Variants in TSNARE1 observed in about 807,000 individuals in gnomAD.
TSNARE1 encodes t-SNARE domain-containing protein 1.
In TSNARE1, 49 loss-of-function variants were observed where a neutral mutation model predicts 62.0. That is an observed-to-expected ratio of 0.79 (90% CI 0.63 to 1.00). TSNARE1 has a LOEUF of 1.00. Ranked by LOEUF, TSNARE1 falls within the 50% of genes least tolerant of loss-of-function variation. TSNARE1 has a pLI of 0.00. For synonymous variants in TSNARE1, 328 were observed against 294.4 expected, an observed-to-expected ratio of 1.11 and a Z score of -1.17; for missense variants, 755 against 700.1, an observed-to-expected ratio of 1.08 and a Z score of -0.88.
At chr8:142,280,592 C>T (rs1353762794) in intron 11 of TSNARE1, among the ~76,000 whole-genome samples, 1 of 152,194 alleles carries the variant, frequency 6.6e-6, no homozygotes, top group Non-Finnish European at 1.5e-5. Context: ...TGTCCCCCTC[C>T]CCACGACTGC....
At chr8:142,218,040 G>A (rs68121465) in intron 13 of TSNARE1, among the ~76,000 whole-genome samples, 76,435 of 101,426 alleles carry the variant, frequency 0.75, 33,268 homozygotes, top group Admixed American at 0.78. Flanking sequence ...CCCAGTATGT[G>A]ACCAGGATCA....
chr8:142,395,000 A>T (rs1487579916), intron 1 of TSNARE1, among the ~76,000 whole-genome samples: 1 of 152,074 alleles, frequency 6.6e-6, no homozygotes, highest in Non-Finnish European at 1.5e-5. Context: ...GTCACCTTGG[A>T]GGCTGCTCTG....
intron 12 of TSNARE1, among the ~76,000 whole-genome samples, chr8:142,242,252 C>G (rs917276950): frequency 6.6e-6 from 1 of 152,276 alleles, no homozygotes; most frequent in Non-Finnish European, 1.5e-5. Flanking sequence ...ATGCCGTATA[C>G]AACAATCAAC....
chr8:142,376,165 A>G (rs1033103939), intron 1 of TSNARE1, among the ~76,000 whole-genome samples: 1 of 152,230 alleles, frequency 6.6e-6, no homozygotes, highest in Non-Finnish European at 1.5e-5. Context: ...TCCAAAGTGC[A>G]GGAGCAATTT....
chr8:142,306,188 G>T (rs1296854618), intron 9 of TSNARE1, among the ~76,000 whole-genome samples: 1 of 152,220 alleles, frequency 6.6e-6, no homozygotes, highest in Non-Finnish European at 1.5e-5. Context: ...GGACACGGCT[G>T]TGGCAATGCT....
chr8:142,294,152 A>G (rs1041722824), intron 10 of TSNARE1, among the ~76,000 whole-genome samples: 1 of 152,034 alleles, frequency 6.6e-6, no homozygotes, highest in Non-Finnish European at 1.5e-5. Context: ...GAGGATGCAG[A>G]GTGGCCAGAG....
chr8:142,402,823 G>T (rs920666173), intron 1 of TSNARE1: 5 of 152,134 alleles, frequency 3.3e-5, no homozygotes, highest in Non-Finnish European at 7.4e-5. Flanking sequence ...GACCCGCCGA[G>T]GGGCTCATGT....
At chr8:142,318,958 C>T (rs1396274078) in intron 6 of TSNARE1, among the ~76,000 whole-genome samples, 1 of 147,962 alleles carries the variant, frequency 6.8e-6, no homozygotes, top group Non-Finnish European at 1.5e-5. Context: ...CAGGCAGACA[C>T]CCAGCAAGAG....
At chr8:142,314,533 G>C in intron 8 of TSNARE1, 93 bp from the exon 9 acceptor site, 7 of 1,119,724 alleles carry the variant, frequency 6.3e-6, no homozygotes, top group Non-Finnish European at 9.1e-6. Context: ...GGCTCTGGAC[G>C]ACGGTGCAGC....
Position 142,277,914 on chromosome 8 carries a change from A to G in TSNARE1, c.1364-3051T>C. On this transcript the variant is annotated intron_variant, in intron 11 of 13. Transcript: ENST00000524325. ...CACCCCTGCCAGGCCCCTCCTTCTCAGCCCCACACCACATGTCTATCCTTG... is the reference window on the plus strand; with the variant it reads ...CACCCCTGCCAGGCCCCTCCTTCTCGGCCCCACACCACATGTCTATCCTTG... The G allele has an allele frequency of 3.0e-6, 3 of 985,254 alleles. No homozygotes were observed. The South Asian group carries it at 1.4e-4, about 46-fold the overall frequency. 61.0% of individuals were successfully genotyped at this position (985,254 alleles called of 1,614,324 possible).
intron 10 of TSNARE1, among the ~76,000 whole-genome samples, chr8:142,287,850 G>A (rs530453054): frequency 1.5e-5 from 2 of 137,488 alleles, no homozygotes; most frequent in East Asian, 2.3e-4. Context: ...ACAGTGGGCC[G>A]CCCTCCAGGT....
At chr8:142,229,686 C>A in intron 12 of TSNARE1, 107 bp from the exon 13 acceptor site, 1 of 915,732 alleles carries the variant, frequency 1.1e-6, no homozygotes, top group South Asian at 1.4e-5. Flanking sequence ...GGGGCTGAGT[C>A]CACCCTGGGG....
intron 6 of TSNARE1, among the ~76,000 whole-genome samples, chr8:142,324,558 A>G (rs373208517): frequency 6.6e-6 from 1 of 152,180 alleles, no homozygotes; most frequent in South Asian, 2.1e-4. Context: ...TTTGCTTGTC[A>G]TTACTTAAGA....
chr8:142,315,919 G>T (rs1009653063), intron 7 of TSNARE1, among the ~76,000 whole-genome samples: 2 of 152,232 alleles, frequency 1.3e-5, no homozygotes, highest in East Asian at 1.9e-4. Context: ...ACGGCCCACA[G>T]AGTCAAAGAC....
At chr8:142,271,559 G>T in intron 12 of TSNARE1, 1 of 1,401,030 alleles carries the variant, frequency 7.1e-7, no homozygotes, top group Non-Finnish European at 9.2e-7. Flanking sequence ...TGGGGAAGCA[G>T]GTGGGGAGGG....
At chr8:142,360,838 C>T (rs1193307294) in intron 1 of TSNARE1, among the ~76,000 whole-genome samples, 1 of 152,234 alleles carries the variant, frequency 6.6e-6, no homozygotes, top group African/African-American at 2.4e-5. Flanking sequence ...CTCCCGGCTC[C>T]AGCTCTGGGG....
intron 1 of TSNARE1, among the ~76,000 whole-genome samples, chr8:142,381,835 C>G (rs1274101603): frequency 6.6e-6 from 1 of 152,206 alleles, no homozygotes; most frequent in African/African-American, 2.4e-5. Context: ...CAAGCCCTGC[C>G]TGCCTTGGCA....
intron 12 of TSNARE1, among the ~76,000 whole-genome samples, chr8:142,248,375 A>G (rs6583610): frequency 0.51 from 77,390 of 152,030 alleles, 20,311 homozygotes; most frequent in African/African-American, 0.61. Context: ...AGCTCCCCAG[A>G]GGAGTTAAAG....
chr8:142,373,774 G>A lies in TSNARE1; in HGVS notation c.-39-19011C>T, dbSNP rs1225452467. Among the ~76,000 whole-genome samples, 3 of 152,098 alleles carry A rather than the reference G, an allele frequency of 2.0e-5. No individual in the cohort carries two copies. In the East Asian group the frequency reaches 5.8e-4, roughly 29 times the overall value. ...TAGACCTCCGGGATCCAAGAAGACA[G>A]CCTTACCCACTCCAGGCAGAGGCAA... On this transcript the variant is annotated intron_variant, in intron 1 of 13. Coordinates refer to ENST00000524325, the MANE Select transcript of TSNARE1 (RefSeq NM_145003.5).
Sources: gnomAD v4.1 joint callset for allele counts (sites outside exome capture counted in the v4.1 genomes callset) on GRCh38, gnomAD v4.1.1 for gene constraint, MANE v1.5 for transcripts, NCBI Gene and HGNC (gene_info 2026-07-23, HGNC 2026-07-21) for gene names.